The following ZC4H2 variants were observed in gnomAD, a reference collection of about 807,000 sequenced individuals.
ZC4H2 encodes the protein zinc finger C4H2-type containing.
For synonymous variants in ZC4H2, 84 were observed against 66.3 expected, an observed-to-expected ratio of 1.27 and a Z score of -1.30; for missense variants, 137 against 173.9, an observed-to-expected ratio of 0.79 and a Z score of 1.19.
intron 1 of ZC4H2, among the ~76,000 whole-genome samples, chrX:65,022,390 T>TA (rs1248040392): frequency 3.6e-5 from 4 of 111,919 alleles, no homozygotes; most frequent in Non-Finnish European, 7.5e-5. Context: ...TCAATAAATG[T>TA]AACCCATCAT....
chrX:64,964,080 T>C (rs758388569), intron 1 of ZC4H2, among the ~76,000 whole-genome samples: 1 of 110,943 alleles, frequency 9.0e-6, no homozygotes, highest in African/African-American at 3.3e-5. Context: ...AAAGTTTCAG[T>C]TGTGCAGGAT....
intron 1 of ZC4H2, among the ~76,000 whole-genome samples, chrX:65,019,403 G>A (rs1602457802): frequency 1.8e-5 from 2 of 112,291 alleles, no homozygotes; most frequent in Middle Eastern, 9.2e-3. Context: ...AGGGTCTGGA[G>A]TGGACCTCCA....
intron 4 of ZC4H2, chrX:64,918,467 C>T (rs1929030472): frequency 8.8e-6 from 1 of 113,566 alleles, no homozygotes; most frequent in African/African-American, 3.2e-5. Context: ...AGAAGAATGT[C>T]TCTTTGTTTG....
At chrX:64,971,124 A>G (rs1931768205) in intron 1 of ZC4H2, among the ~76,000 whole-genome samples, 1 of 112,637 alleles carries the variant, frequency 8.9e-6, no homozygotes, top group East Asian at 2.8e-4. Flanking sequence ...AAATGCTACT[A>G]GTGACCAACT....
intron 1 of ZC4H2, among the ~76,000 whole-genome samples, chrX:64,975,075 C>G (rs1288882052): frequency 1.8e-5 from 2 of 109,302 alleles, no homozygotes; most frequent in African/African-American, 3.3e-5. Context: ...GCAGGCAGAC[C>G]AACAAAATGT....
In ZC4H2 at chrX:65,024,258, T is replaced by TA. The variant is rs200558238; in HGVS notation, c.-272+10370dup. On this transcript the variant is annotated intron_variant, in intron 1 of 4. Transcript: ENST00000337990. ...ATGTACCCCAGAACTTAAAGTATAA[T>TA]AAAAAAAAGTTTACCATCACTAGTC... 8.3e-3 allele frequency among the ~76,000 whole-genome samples: 910 copies of TA among 110,189 alleles called. 33 individuals carry two copies. The highest frequency in any genetic ancestry group is 0.071 in the Admixed American group (736 of 10,300).
At chrX:65,003,696 C>T (rs867050372) in intron 1 of ZC4H2, among the ~76,000 whole-genome samples, 4 of 109,409 alleles carry the variant, frequency 3.7e-5, no homozygotes, top group Non-Finnish European at 5.7e-5. Flanking sequence ...GCTAACATGG[C>T]GAAACCCCGT....
chrX:65,015,801 T>G (rs1298142786), intron 1 of ZC4H2, among the ~76,000 whole-genome samples: 1 of 111,844 alleles, frequency 8.9e-6, no homozygotes, highest in African/African-American at 3.2e-5. Flanking sequence ...GATTTGGAGG[T>G]AAAGAGAAAG....
In ZC4H2 at chrX:65,019,102, C is replaced by T. The variant is rs192688520; in HGVS notation, c.-272+15527G>A. ...GACCCAGGTGAGGGACAGCTGTGGGCGCAGCTGCAGCAGACTTAAATGCCC... is the reference window on the plus strand; with the variant it reads ...GACCCAGGTGAGGGACAGCTGTGGGTGCAGCTGCAGCAGACTTAAATGCCC... On this transcript the variant is annotated intron_variant, in intron 1 of 4. Coordinates refer to the ZC4H2 transcript ENST00000337990. 8.9e-4 allele frequency among the ~76,000 whole-genome samples: 99 copies of T among 111,695 alleles called. 1 individual carries two copies. The highest frequency in any genetic ancestry group is 1.6e-3 in the Non-Finnish European group (86 of 53,041).
intron 1 of ZC4H2, among the ~76,000 whole-genome samples, chrX:65,002,336 G>A (rs769840025): frequency 2.0e-4 from 21 of 104,792 alleles, no homozygotes; most frequent in East Asian, 9.3e-4. Context: ...CAGCCGCCCC[G>A]TCCGGGAGGG....
At chrX:65,030,998 G>A (rs761773862) in intron 1 of ZC4H2, among the ~76,000 whole-genome samples, 1 of 110,918 alleles carries the variant, frequency 9.0e-6, no homozygotes, top group Admixed American at 9.6e-5. Context: ...TCCCTCCCTT[G>A]TTGGACTCAG....
At chrX:64,952,184 T>C (rs1930878825) in intron 1 of ZC4H2, among the ~76,000 whole-genome samples, 1 of 110,881 alleles carries the variant, frequency 9.0e-6, no homozygotes, top group Non-Finnish European at 1.9e-5. Context: ...ACCAGTACCA[T>C]GCTGTTTTGG....
Position 64,929,743 on chromosome X carries a change from C to T in ZC4H2, c.54-7755G>A, listed in dbSNP as rs763103740. ...TTGGTCTTCATGCCTATTTTTATACCATTACCATGCTGTTTTGGTAGCTTA... is the reference window on the plus strand; with the variant it reads ...TTGGTCTTCATGCCTATTTTTATACTATTACCATGCTGTTTTGGTAGCTTA... On this transcript the variant is annotated intron_variant, in intron 1 of 4. Transcript: ENST00000374839. 1.3e-4 allele frequency among the ~76,000 whole-genome samples: 14 copies of T among 111,450 alleles called. No individual in the cohort carries two copies. The South Asian group carries it at 3.0e-3, about 24-fold the overall frequency.
rs1354485765 is a variant in ZC4H2, at chrX:64,958,648, T to C, written c.53+17677A>G. Reference sequence around the variant, plus strand: ...ACCTGTCTCAGTAATTTTTTTTTGGTGGTGGTGGGGGGTGATTTATCCCAG... The same window carrying C: ...ACCTGTCTCAGTAATTTTTTTTTGGCGGTGGTGGGGGGTGATTTATCCCAG... On this transcript the variant is annotated intron_variant, in intron 1 of 4. Coordinates refer to ENST00000374839, the MANE Select transcript of ZC4H2 (RefSeq NM_018684.4). Among the ~76,000 whole-genome samples the C allele has an allele frequency of 3.6e-5, 4 of 110,761 alleles. No individual in the cohort carries two copies. In the East Asian group the frequency reaches 1.1e-3, roughly 32 times the overall value.
At chrX:64,943,432 G>A (rs1930383053) in intron 1 of ZC4H2, among the ~76,000 whole-genome samples, 1 of 111,440 alleles carries the variant, frequency 9.0e-6, no homozygotes, top group African/African-American at 3.3e-5. Context: ...AGAGTGGGGT[G>A]TTAAAATTTC....
chrX:64,950,956 C>A (rs919238124), intron 1 of ZC4H2, among the ~76,000 whole-genome samples: 6 of 110,298 alleles, frequency 5.4e-5, no homozygotes, highest in Non-Finnish European at 9.5e-5. Context: ...TAGCTCCCCA[C>A]TCTCCCCACC....
intron 1 of ZC4H2, among the ~76,000 whole-genome samples, chrX:64,928,083 T>A (rs1197451219): frequency 8.9e-6 from 1 of 112,404 alleles, no homozygotes; most frequent in Non-Finnish European, 1.9e-5. Flanking sequence ...GCCTGTTCAC[T>A]CTGATGATAG....
chrX:65,017,537 A>G (rs1377944225), intron 1 of ZC4H2, among the ~76,000 whole-genome samples: 1 of 109,729 alleles, frequency 9.1e-6, no homozygotes, highest in Non-Finnish European at 1.9e-5. Flanking sequence ...TTGAATTCCC[A>G]AAGAAATTAA....
chrX:65,007,513 T>G (rs772105231), intron 1 of ZC4H2, among the ~76,000 whole-genome samples: 25 of 112,262 alleles, frequency 2.2e-4, no homozygotes, highest in African/African-American at 7.8e-4. Flanking sequence ...TACAGTTGTT[T>G]TTGAATGTCC....
Sources: allele counts gnomAD v4.1 joint callset (sites outside exome capture counted in the v4.1 genomes callset), GRCh38; gene constraint gnomAD v4.1.1; transcripts MANE v1.5; gene names NCBI Gene and HGNC (gene_info 2026-07-23, HGNC 2026-07-21).